The following CERS5 variants were observed in gnomAD, a reference collection of about 807,000 sequenced individuals.
The protein encoded by CERS5 is LAG1 homolog, ceramide synthase 5.
CERS5 carries 37 observed loss-of-function variants against 58.9 expected under a neutral mutation model. The observed-to-expected ratio is 0.63, with a 90% CI of 0.48 to 0.83. The LOEUF (loss-of-function observed/expected upper bound fraction) is 0.83, where lower values mean the gene tolerates loss of function less well. CERS5 is among the 40% of genes least tolerant of loss of function. The probability of loss-of-function intolerance (pLI) is 0.00; values close to 1 mark genes in which losing one functional copy is unlikely to be tolerated. For synonymous variants in CERS5, 147 were observed against 177.8 expected (o/e 0.83, Z 1.38); for missense variants, 398 against 489.3 (o/e 0.81, Z 1.76).
At chr12:50,135,515 G>A (rs376095600) in intron 8 of CERS5, 4 of 697,064 alleles carry the variant, frequency 5.7e-6, no homozygotes, top group Admixed American at 2.0e-5. Context: ...GTCTGGATCC[G>A]ACCTTGCTAG....
chr12:50,139,823 T>C (rs181390111), intron 4 of CERS5, among the ~76,000 whole-genome samples: 3 of 152,090 alleles, frequency 2.0e-5, no homozygotes, highest in Non-Finnish European at 2.9e-5. Flanking sequence ...ACCCCACAAA[T>C]GTATCCATTG....
chr12:50,160,038 C>G (rs1242263660), intron 1 of CERS5, among the ~76,000 whole-genome samples: 1 of 151,874 alleles, frequency 6.6e-6, no homozygotes, highest in East Asian at 1.9e-4. Flanking sequence ...GGTGTGGTGG[C>G]TCACACCTGT....
chr12:50,139,127 T>A (rs1319743763), intron 4 of CERS5, among the ~76,000 whole-genome samples: 1 of 152,218 alleles, frequency 6.6e-6, no homozygotes, highest in Non-Finnish European at 1.5e-5. Context: ...TTTCCTTTTT[T>A]TGTTGGAGTT....
At chr12:50,134,961 CAG>C (rs1951552006) in intron 8 of CERS5, 2 of 478,008 alleles carry the variant, frequency 4.2e-6, no homozygotes, top group Admixed American at 3.7e-5. Context: ...TTCAAATATC[CAG>C]AGTTTCACGA....
chr12:50,133,438 A>G (rs1009052486), intron 9 of CERS5: 3 of 1,004,550 alleles, frequency 3.0e-6, no homozygotes, highest in African/African-American at 3.4e-5. Flanking sequence ...CTCATACACT[A>G]GTGGGGTGAG....
chr12:50,131,472 T>C (rs1186705267), intron 9 of CERS5, among the ~76,000 whole-genome samples: 1 of 146,144 alleles, frequency 6.8e-6, no homozygotes, highest in Non-Finnish European at 1.5e-5. Context: ...GGCAGGAGAA[T>C]CTCTTGAACC....
intron 1 of CERS5, 30 bp downstream of exon 1, chr12:50,167,071 C>T (rs1019177638): frequency 3.4e-6 from 5 of 1,484,400 alleles, no homozygotes; most frequent in Non-Finnish European, 4.5e-6. Flanking sequence ...CCGCGCCCGG[C>T]CCCCGAGCCG....
chr12:50,143,959 A>G lies in CERS5; in HGVS notation c.296T>C (p.Ile99Thr), dbSNP rs1266693449. Residue 99 changes from isoleucine (I) to threonine (T), a missense_variant, in exon 2 of 10, where the codon ATT becomes ACT. Ile to Thr is a moderately conservative substitution (Grantham distance 89, BLOSUM62 -1). This residue lies in a region of CERS5 where 328 missense variants were observed against 384.5 expected (regional missense o/e 0.85). Transcript: ENST00000317551. ...GTTTCTTTGCCCACTTACCTTGGTA[A>G]TAGATATGAACACCTTTTCAAGGAT... is the stretch of plus-strand genomic sequence containing the variant. ...NAILEKVFIS[I>T]TKYPDKKRLE... 1 of 1,593,288 alleles carries G rather than the reference A, an allele frequency of 6.3e-7. No individual in the cohort carries two copies. The highest frequency in any genetic ancestry group is 1.7e-5 in the Admixed American group (1 of 59,994).
chr12:50,148,923 AAAAAAT>A (rs59892426), intron 1 of CERS5, among the ~76,000 whole-genome samples: 1,651 of 73,036 alleles, frequency 0.023, 13 homozygotes, highest in East Asian at 0.07. Flanking sequence ...AAAAAAAAAA[AAAAAAT>A]ATATATATAT....
intron 9 of CERS5, among the ~76,000 whole-genome samples, chr12:50,131,566 AAAAAAAAAAAAG>A (rs1173975628): frequency 2.4e-5 from 3 of 127,610 alleles, no homozygotes; most frequent in Non-Finnish European, 3.4e-5. Context: ...CTCAAAAAAA[AAAAAAAAAAAAG>A]AAAAAAAAAA....
rs773523970 is a variant in CERS5 at position 50,135,883 on chromosome 12, TCA to T, written c.766-47_766-46del. ...ATTGAGCTGGGGAGAAAGTCATTCC[TCA>T]CATAGGAAGAAAAGAAGAGAAGAAG... On this transcript the variant is annotated intron_variant, in intron 7 of 9. Coordinates refer to ENST00000317551, the MANE Select transcript of CERS5 (RefSeq NM_147190.5). 6.9e-6 allele frequency: 11 copies of T among 1,593,016 alleles called. No individual in the cohort carries two copies. In the Admixed American group the frequency reaches 2.0e-4, roughly 29 times the overall value.
chr12:50,134,843 A>C (rs1951545112), intron 8 of CERS5, 141 bp from the exon 9 acceptor site: 1 of 696,756 alleles, frequency 1.4e-6, no homozygotes, highest in Admixed American at 2.9e-5. Flanking sequence ...CGTCATCCAC[A>C]GTAAGAAAAT....
intron 3 of CERS5, among the ~76,000 whole-genome samples, 193 bp from the exon 4 acceptor site, chr12:50,142,303 C>T (rs1478032270): frequency 2.6e-5 from 4 of 152,072 alleles, no homozygotes; most frequent in Admixed American, 1.3e-4. Flanking sequence ...ACCTGTAATC[C>T]CAGCACTTTG....
rs57888855 is a variant in CERS5 at position 50,134,071 on chromosome 12, GAA to G, written c.1029+473_1029+474del. The stretch of plus-strand genomic sequence containing the variant: ...TGGGCAACAGAGCGAGATTCCATCT[GAA>G]AAAAAAAAAAAAAAAAGGTAAAACA... On this transcript the variant is annotated intron_variant, in intron 9 of 9. Coordinates refer to ENST00000317551, the MANE Select transcript of CERS5 (RefSeq NM_147190.5). The G allele has an allele frequency of 1.2e-3, 97 of 79,662 alleles. 1 individual carries two copies. The highest frequency in any genetic ancestry group is 3.1e-3 in the African/African-American group (48 of 15,300). The allele number at this position is 79,662 out of a possible 1,614,324, so 4.9% of individuals were successfully genotyped here.
intron 1 of CERS5, chr12:50,144,861 C>T (rs950204465): frequency 9.6e-5 from 127 of 1,320,784 alleles, no homozygotes; most frequent in Non-Finnish European, 1.1e-4. Context: ...AAAAGCCGGG[C>T]GTGGTGGCTC....
Position 50,135,155 on chromosome 12 carries a change from GGA to G in CERS5, c.873-455_873-454del, listed in dbSNP as rs142886050. 2.5e-3 allele frequency among the ~76,000 whole-genome samples: 151 copies of G among 61,102 alleles called. 19 individuals are homozygous for G. Among genetic ancestry groups the G allele is most frequent in the African/African-American group, 0.01 (138 of 13,642 alleles). 40.1% of individuals were successfully genotyped at this position (61,102 alleles called of 152,430 possible). A position where few individuals can be genotyped will look rare whatever the true frequency, so the allele number is the denominator to read the frequency against. ...AGGGAGGGAGAGAGAGAGGAGGGAG[GGA>G]GAGAGAGGGGAGGGAGGGAGAGAGA... On this transcript the variant is annotated intron_variant, in intron 8 of 9. Transcript: ENST00000317551.
At chr12:50,163,409 G>T (rs1208960362) in intron 1 of CERS5, among the ~76,000 whole-genome samples, 1 of 151,994 alleles carries the variant, frequency 6.6e-6, no homozygotes. Flanking sequence ...TGTTAGCCAG[G>T]CTGGTCTCAA....
intron 1 of CERS5, among the ~76,000 whole-genome samples, chr12:50,159,441 A>T (rs1416208874): frequency 2.0e-5 from 3 of 152,226 alleles, no homozygotes; most frequent in African/African-American, 7.2e-5. Context: ...ATTTAAAGGA[A>T]CATCTAATAC....
chr12:50,164,266 A>ATTT (rs34566112), intron 1 of CERS5, among the ~76,000 whole-genome samples: 1 of 141,952 alleles, frequency 7.0e-6, no homozygotes. Flanking sequence ...CGCTCTCCCA[A>ATTT]TTTTTTTTTT....
Sources: gnomAD v4.1 joint callset for allele counts (sites outside exome capture counted in the v4.1 genomes callset) on GRCh38, gnomAD v4.1.1 for gene constraint, gnomAD v4.1.1 regional missense constraint, MANE v1.5 for transcripts, NCBI Gene and HGNC (gene_info 2026-07-23, HGNC 2026-07-21) for gene names.